RBAK: variants seen among roughly 807,000 people sequenced by gnomAD.
The protein encoded by RBAK is RB-associated KRAB zinc finger protein.
Under a neutral mutation model 65.8 loss-of-function variants are expected in RBAK, and 39 were observed. The observed-to-expected ratio is 0.59, with a 90% confidence interval of 0.46 to 0.77. The LOEUF (loss-of-function observed/expected upper bound fraction) is 0.77. Among genes scored for constraint, RBAK ranks in the 30% least tolerant of loss-of-function variants. RBAK has a pLI of 0.00. For missense variants in RBAK, 884 were observed against 855.1 expected (o/e 1.03, Z -0.42); for synonymous variants, 343 against 289.7 (o/e 1.18, Z -1.87).
intron 1 of RBAK, among the ~76,000 whole-genome samples, chr7:5,046,903 T>A (rs1788000316): frequency 6.6e-6 from 1 of 152,172 alleles, no homozygotes; most frequent in Non-Finnish European, 1.5e-5. Flanking sequence ...ATAGTAGAAC[T>A]CAGGAGTCTT....
chr7:5,062,473 A>T (rs1402552015), intron 4 of RBAK, among the ~76,000 whole-genome samples: 1 of 152,202 alleles, frequency 6.6e-6, no homozygotes, highest in African/African-American at 2.4e-5. Context: ...CATACTTCAC[A>T]AGGTAATAGA....
chr7:5,059,206 G>T (rs751268388), intron 4 of RBAK, among the ~76,000 whole-genome samples: 3 of 152,114 alleles, frequency 2.0e-5, no homozygotes, highest in Non-Finnish European at 4.4e-5. Context: ...GATTTCAGTG[G>T]ATCCATCTTC....
At chr7:5,063,271 G>C (rs12673634) in intron 4 of RBAK, among the ~76,000 whole-genome samples, 19,872 of 152,184 alleles carry the variant, frequency 0.13, 1,427 homozygotes, top group South Asian at 0.22. Context: ...TGGGGTCCCT[G>C]ACTTCCCACA....
rs1235578099 is a variant in RBAK at position 5,048,142 on chromosome 7, T to C, written c.15+51T>C. The C allele has an allele frequency of 6.3e-7, 1 of 1,584,732 alleles. No individual in the cohort carries two copies. The highest frequency in any genetic ancestry group is 8.6e-7 in the Non-Finnish European group (1 of 1,168,452). ...TTCCTCAACTTTATTTTATGATGCA[T>C]TTTAAGAGGTTTGTAAGGATTCTTA... On this transcript the variant is annotated intron_variant, in intron 2 of 4. Transcript: ENST00000396912. This position sits in a 1 kb window ranked among gnomAD's most constrained non-coding sequence, Gnocchi z 4.4.
intron 2 of RBAK, among the ~76,000 whole-genome samples, chr7:5,054,933 A>G (rs914341919): frequency 5.3e-5 from 8 of 151,800 alleles, no homozygotes; most frequent in Admixed American, 2.6e-4. Flanking sequence ...TAATAATACA[A>G]CTAATTTTTT....
chr7:5,059,140 A>G (rs1452518163), intron 4 of RBAK, among the ~76,000 whole-genome samples: 4 of 152,212 alleles, frequency 2.6e-5, no homozygotes, highest in Non-Finnish European at 5.9e-5. Context: ...TGCCTGGCAG[A>G]GCGTCAGCAC....
intron 4 of RBAK, among the ~76,000 whole-genome samples, chr7:5,059,514 A>C (rs1779016941): frequency 1.3e-5 from 2 of 152,016 alleles, no homozygotes; most frequent in Non-Finnish European, 2.9e-5. Context: ...TAAAAAAAAA[A>C]CCACACATAA....
At chr7:5,055,736 C>T (rs1339946336) in intron 2 of RBAK, among the ~76,000 whole-genome samples, 8 of 150,894 alleles carry the variant, frequency 5.3e-5, no homozygotes, top group Non-Finnish European at 1.2e-4. Flanking sequence ...TCTTCTAACC[C>T]CTACTACCTC....
In RBAK at chr7:5,065,072, A is replaced by G; in HGVS notation, c.1616A>G (p.Tyr539Cys). Residue 539 changes from tyrosine to cysteine, a missense_variant, in exon 5 of 5, where the codon TAT becomes TGT. Tyr to Cys is a radical substitution (Grantham distance 194). Coordinates refer to ENST00000396912, the MANE Select transcript of RBAK (RefSeq NM_021163.4). The surrounding 1 kb of genome is among the most constrained non-coding windows in gnomAD (Gnocchi z 5.3). ...HQPLPKGEKS[Y>C]ECNVCGKLFN... Reference sequence around the variant, plus strand: ...CCACTTCCAAAAGGGGAGAAATCCTATGAATGTAATGTATGTGGAAAGTTA... The same window carrying G: ...CCACTTCCAAAAGGGGAGAAATCCTGTGAATGTAATGTATGTGGAAAGTTA... The G allele has an allele frequency of 6.2e-7, 1 of 1,614,042 alleles. No individual in the cohort carries two copies. Among genetic ancestry groups the G allele is most frequent in the Non-Finnish European group, 8.5e-7 (1 of 1,179,950 alleles).
At position 5,046,223 on chromosome 7, in the gene RBAK, G is replaced by A. The variant is rs1194176642; in HGVS notation, c.-218G>A. 4 of 503,992 alleles carry A rather than the reference G, an allele frequency of 7.9e-6. No homozygotes were observed. The highest frequency in any genetic ancestry group is 1.6e-5 in the Non-Finnish European group (4 of 254,160). 31.2% of individuals were successfully genotyped at this position (503,992 alleles called of 1,614,324 possible). Reference sequence around the variant, plus strand: ...CCCGAGGGAGGCGGATCTGGGTCCCGGGAAGGACACCCGCCTGGATTTGCC... The same window carrying A: ...CCCGAGGGAGGCGGATCTGGGTCCCAGGAAGGACACCCGCCTGGATTTGCC... On this transcript the variant is annotated 5_prime_UTR_variant, in exon 1 of 5. Transcript: ENST00000396912.
Position 5,064,192 on chromosome 7 carries a change from T to G in RBAK, c.736T>G (p.Ser246Ala). Residue 246 changes from serine to alanine, a missense_variant, in exon 5 of 5, where the codon TCA becomes GCA. By Grantham distance (99) the Ser-to-Ala change is moderately conservative. Transcript: ENST00000396912. The surrounding 1 kb of genome is among the most constrained non-coding windows in gnomAD (Gnocchi z 6.3). ...TTCTGGACCAGACTTCATACAGATG[T>G]CAAATTTTAATGCATATCAGAGATC... is the stretch of plus-strand genomic sequence containing the variant. ...NDSGPDFIQM[S>A]NFNAYQRSQM... 6.2e-7 allele frequency: 1 copy of G among 1,613,906 alleles called. No individual in the cohort carries two copies. The highest frequency in any genetic ancestry group is 8.5e-7 in the Non-Finnish European group (1 of 1,179,938).
chr7:5,052,409 C>T (rs1788135685), intron 2 of RBAK, among the ~76,000 whole-genome samples: 2 of 152,132 alleles, frequency 1.3e-5, no homozygotes, highest in South Asian at 4.1e-4. Flanking sequence ...CTTTTAGTCT[C>T]ATCTTCTTTG....
chr7:5,061,978 G>A (rs747535867), intron 4 of RBAK, among the ~76,000 whole-genome samples: 1 of 151,998 alleles, frequency 6.6e-6, no homozygotes, highest in African/African-American at 2.4e-5. Context: ...CTCTCCTCCA[G>A]ATGAATGTGA....
At position 5,064,676 on chromosome 7, in the gene RBAK, G is replaced by A; in HGVS notation, c.1220G>A (p.Gly407Glu). Residue 407 changes from glycine (G) to glutamate (E), a missense_variant, in exon 5 of 5, where the codon GGG (glycine) becomes GAG (glutamate). Coordinates refer to ENST00000396912, the MANE Select transcript of RBAK (RefSeq NM_021163.4). The surrounding 1 kb of genome is among the most constrained non-coding windows in gnomAD (Gnocchi z 6.3). Reference sequence around the variant, plus strand: ...AAGCTTTATAAATGTAATGAATGTGGGAAATCCTACTACCGAAAGTCTACT... The same window carrying A: ...AAGCTTTATAAATGTAATGAATGTGAGAAATCCTACTACCGAAAGTCTACT... ...GEKLYKCNEC[G>E]KSYYRKSTLI... The A allele has an allele frequency of 6.2e-7, 1 of 1,612,096 alleles. No homozygotes were observed. Among genetic ancestry groups the A allele is most frequent in the Non-Finnish European group, 8.5e-7 (1 of 1,178,480 alleles).
chr7:5,046,940 C>T (rs1193249970), intron 1 of RBAK, among the ~76,000 whole-genome samples: 5 of 152,114 alleles, frequency 3.3e-5, no homozygotes, highest in African/African-American at 9.7e-5. Flanking sequence ...TTCTTTCTCC[C>T]GTATCCTAGT....
intron 1 of RBAK, among the ~76,000 whole-genome samples, chr7:5,046,690 C>T (rs1223078831): frequency 6.6e-6 from 1 of 152,182 alleles, no homozygotes; most frequent in Admixed American, 6.5e-5. Flanking sequence ...AGATTTCGAC[C>T]TCCTCTAAAC....
chr7:5,062,723 G>A (rs4548076), intron 4 of RBAK, among the ~76,000 whole-genome samples: 18,372 of 152,152 alleles, frequency 0.12, 1,330 homozygotes, highest in African/African-American at 0.2. Context: ...GACCATAGAC[G>A]ACGGCCACAC....
intron 2 of RBAK, among the ~76,000 whole-genome samples, chr7:5,049,635 C>G (rs1484054361): frequency 6.6e-6 from 1 of 152,148 alleles, no homozygotes; most frequent in Non-Finnish European, 1.5e-5. Flanking sequence ...CATGGAGTCT[C>G]TCTTTTCTTG....
intron 2 of RBAK, among the ~76,000 whole-genome samples, chr7:5,050,255 T>C (rs1339314651): frequency 6.6e-6 from 1 of 152,270 alleles, no homozygotes; most frequent in Non-Finnish European, 1.5e-5. Flanking sequence ...GCTCATTGTT[T>C]TGAAGAAACT....
Sources: gnomAD v4.1 joint callset for allele counts (sites outside exome capture counted in the v4.1 genomes callset) on GRCh38, gnomAD v4.1.1 for gene constraint, Gnocchi (gnomAD v3.1) non-coding constraint, MANE v1.5 for transcripts, NCBI Gene and HGNC (gene_info 2026-07-23, HGNC 2026-07-21) for gene names.